SLC1A2: variants seen among roughly 807,000 people sequenced by gnomAD.
The protein encoded by SLC1A2 is solute carrier family 1 member 2, also known as excitatory amino acid transporter 2.
In SLC1A2, 15 loss-of-function variants were observed where a neutral mutation model predicts 48.8. The ratio of observed to expected loss-of-function variants is 0.31; its 90% CI spans 0.21 to 0.47. The LOEUF (loss-of-function observed/expected upper bound fraction) is 0.47. Ranked by LOEUF, SLC1A2 falls within the 20% of genes least tolerant of loss-of-function variation. The probability of loss-of-function intolerance (pLI) is 0.99; values close to 1 mark genes in which losing one functional copy is unlikely to be tolerated. For synonymous variants in SLC1A2, 279 were observed against 272.6 expected (o/e 1.02, Z -0.23); for missense variants, 502 against 730.5 (o/e 0.69, Z 3.61).
At chr11:35,401,005 G>A in intron 1 of SLC1A2, among the ~76,000 whole-genome samples, 1 of 152,146 alleles carries the variant, frequency 6.6e-6, no homozygotes, top group East Asian at 1.9e-4. Context: ...AAGGAGGTGG[G>A]TGGGCGGGGC....
Position 35,280,847 on chromosome 11 carries a change from C to A in SLC1A2, c.1421+20G>T, listed in dbSNP as rs1291591234. 5 of 1,568,618 alleles carry A rather than the reference C, an allele frequency of 3.2e-6. No homozygotes were observed. Among genetic ancestry groups the A allele is most frequent in the Middle Eastern group, 1.8e-4 (1 of 5,694 alleles). On this transcript the variant is annotated intron_variant, in intron 9 of 10. Transcript: ENST00000278379. ...GGCAGTACTCACAGTCCCAGCAGAA[C>A]CCCATCCACAGACACTTACAGCAGC...
rs115582356 is a variant in SLC1A2 at position 35,349,149 on chromosome 11, A to G, written c.18-31633T>C. Among the ~76,000 whole-genome samples, 1,185 of 152,272 alleles carry G rather than the reference A, an allele frequency of 7.8e-3. 16 individuals carry two copies. The highest frequency in any genetic ancestry group is 0.027 in the African/African-American group (1,120 of 41,550). ...AGCAGCAATGAACAAGACTGGAGGC[A>G]GGGATGTAGATGGGGGCACTGCGGG... On this transcript the variant is annotated intron_variant, in intron 1 of 10. Coordinates refer to ENST00000278379, the MANE Select transcript of SLC1A2 (RefSeq NM_004171.4).
chr11:35,305,195 G>C (rs1397133383), intron 5 of SLC1A2, among the ~76,000 whole-genome samples: 1 of 152,168 alleles, frequency 6.6e-6, no homozygotes, highest in Non-Finnish European at 1.5e-5. Context: ...GGGCAGACTA[G>C]AGCCGCTCAC....
chr11:35,280,843 A>T (rs751730759), intron 9 of SLC1A2, 24 bp downstream of exon 9: 2 of 1,560,580 alleles, frequency 1.3e-6, no homozygotes, highest in Admixed American at 3.6e-5. Context: ...CAGTCCCAGC[A>T]GAACCCCATC....
At chr11:35,312,161 G>C in intron 4 of SLC1A2, 37 bp downstream of exon 4, 1 of 1,607,068 alleles carries the variant, frequency 6.2e-7, no homozygotes. Context: ...ATAACTTAGA[G>C]GACTGGAGAA....
In SLC1A2 at chr11:35,419,069, T is replaced by A; in HGVS notation, c.-103A>T. The A allele has an allele frequency of 9.4e-7, 1 of 1,067,442 alleles. No individual in the cohort carries two copies. The highest frequency in any genetic ancestry group is 1.4e-6 in the Non-Finnish European group (1 of 730,998). The allele number at this position is 1,067,442 out of a possible 1,614,324, so 66.1% of individuals were successfully genotyped here. A position where few individuals can be genotyped will look rare whatever the true frequency, so the allele number is the denominator to read the frequency against. ...GCGAAGTGCGGCCGGGAGCGGTATT[T>A]AAGAGGAGCCTCTGCCCGCCCTTCC... On this transcript the variant is annotated 5_prime_UTR_variant, in exon 1 of 11. Coordinates refer to ENST00000278379, the MANE Select transcript of SLC1A2 (RefSeq NM_004171.4). This position sits in a 1 kb window ranked among gnomAD's most constrained non-coding sequence, Gnocchi z 5.4.
At chr11:35,318,106 A>G (rs2134908673) in intron 1 of SLC1A2, among the ~76,000 whole-genome samples, 1 of 152,340 alleles carries the variant, frequency 6.6e-6, no homozygotes, top group Admixed American at 6.5e-5. Context: ...TTAAAAGGCC[A>G]CCTACATTAT....
chr11:35,276,452 A>T (rs957350), intron 9 of SLC1A2, among the ~76,000 whole-genome samples: 55,396 of 128,748 alleles, frequency 0.43, 10,300 homozygotes, highest in South Asian at 0.6. Flanking sequence ...CATCCTTTTT[A>T]AAAAAAAAAA....
In SLC1A2 at chr11:35,255,912, C is replaced by T. The variant is rs1239890542; in HGVS notation, c.*4982G>A. Reference sequence around the variant, plus strand: ...ATAGAGGCTTGAATTTAATTTCTCCCAAAGGAGATGAGAAAAATCTAAATT... The same window carrying T: ...ATAGAGGCTTGAATTTAATTTCTCCTAAAGGAGATGAGAAAAATCTAAATT... On this transcript the variant is annotated 3_prime_UTR_variant, in exon 11 of 11. Coordinates refer to ENST00000278379, the MANE Select transcript of SLC1A2 (RefSeq NM_004171.4). 1 of 152,064 alleles carries T rather than the reference C, an allele frequency of 6.6e-6. No individual in the cohort carries two copies. The highest frequency in any genetic ancestry group is 1.5e-5 in the Non-Finnish European group (1 of 68,014). The allele number at this position is 152,064 out of a possible 1,614,324, so 9.4% of individuals were successfully genotyped here.
intron 1 of SLC1A2, among the ~76,000 whole-genome samples, chr11:35,327,556 C>T (rs536086038): frequency 1.3e-5 from 2 of 152,308 alleles, no homozygotes; most frequent in East Asian, 1.9e-4. Context: ...AAAGAACTCT[C>T]ATACATTTCC....
Position 35,408,197 on chromosome 11 carries a change from G to C in SLC1A2, c.17+10753C>G, listed in dbSNP as rs551654463. Among the ~76,000 whole-genome samples, 4 of 152,258 alleles carry C rather than the reference G, an allele frequency of 2.6e-5. No homozygotes were observed. The South Asian group carries it at 8.3e-4, about 32-fold the overall frequency. On this transcript the variant is annotated intron_variant, in intron 1 of 10. Transcript: ENST00000278379. ...GTCCTTCTAAATATCCTTGGAATCT[G>C]GTAACCTATGCTCATTTCTATACCT...
intron 1 of SLC1A2, among the ~76,000 whole-genome samples, chr11:35,352,696 C>G (rs1590219073): frequency 8.1e-6 from 1 of 123,328 alleles, no homozygotes; most frequent in African/African-American, 3.2e-5. Flanking sequence ...GAGAGAGCTG[C>G]CCTTGTTTTG....
At chr11:35,371,988 C>A (rs1041525460) in intron 1 of SLC1A2, among the ~76,000 whole-genome samples, 1 of 152,206 alleles carries the variant, frequency 6.6e-6, no homozygotes, top group Non-Finnish European at 1.5e-5. Flanking sequence ...TACTCCTGGA[C>A]AATGCATGAA....
chr11:35,329,901 C>T (rs1852374947), intron 1 of SLC1A2, among the ~76,000 whole-genome samples: 1 of 152,182 alleles, frequency 6.6e-6, no homozygotes, highest in South Asian at 2.1e-4. Flanking sequence ...GTACTGGATG[C>T]TTTACATGCA....
chr11:35,302,907 G>C (rs1173871087), intron 5 of SLC1A2, among the ~76,000 whole-genome samples: 2 of 148,932 alleles, frequency 1.3e-5, no homozygotes, highest in African/African-American at 5.0e-5. Context: ...TGAGGTCTCA[G>C]TTCTTACTAC....
Position 35,293,852 on chromosome 11 carries a change from G to A in SLC1A2, c.858-1332C>T, listed in dbSNP as rs540178954. Reference sequence around the variant, plus strand: ...ATATGAATACTACATAAGACATGGAGCTCGTCTCACCACTTATTAGTTATT... The same window carrying A: ...ATATGAATACTACATAAGACATGGAACTCGTCTCACCACTTATTAGTTATT... On this transcript the variant is annotated intron_variant, in intron 6 of 10. Coordinates refer to ENST00000278379, the MANE Select transcript of SLC1A2 (RefSeq NM_004171.4). 1.3e-4 allele frequency among the ~76,000 whole-genome samples: 20 copies of A among 152,268 alleles called. No individual in the cohort carries two copies. In the East Asian group the frequency reaches 3.1e-3, roughly 23 times the overall value.
chr11:35,405,786 C>A (rs1249568789), intron 1 of SLC1A2, among the ~76,000 whole-genome samples: 1 of 152,144 alleles, frequency 6.6e-6, no homozygotes, highest in African/African-American at 2.4e-5. Flanking sequence ...CCCTATTAAC[C>A]CCTAGCAAAG....
At chr11:35,305,086 T>C (rs915676065) in intron 5 of SLC1A2, among the ~76,000 whole-genome samples, 2 of 152,194 alleles carry the variant, frequency 1.3e-5, no homozygotes, top group Non-Finnish European at 2.9e-5. Flanking sequence ...TCCCAGGTTT[T>C]GGCCAAATGC....
rs1441234777 is a variant in SLC1A2, at chr11:35,258,480, C to A, written c.*2414G>T. 1 of 152,594 alleles carries A rather than the reference C, an allele frequency of 6.6e-6. No homozygotes were observed. The highest frequency in any genetic ancestry group is 1.9e-4 in the East Asian group (1 of 5,204). 9.5% of individuals were successfully genotyped at this position (152,594 alleles called of 1,614,324 possible). A position where few individuals can be genotyped will look rare whatever the true frequency, so the allele number is the denominator to read the frequency against. On this transcript the variant is annotated 3_prime_UTR_variant, in exon 11 of 11. Transcript: ENST00000278379. ...AGAAACATGCCCATGTATATAGATC[C>A]CAAAGCTGGCCTTCCATAGCAAAAA...
Sources: allele counts gnomAD v4.1 joint callset (sites outside exome capture counted in the v4.1 genomes callset), GRCh38; gene constraint gnomAD v4.1.1; non-coding constraint Gnocchi (gnomAD v3.1); transcripts MANE v1.5; gene names NCBI Gene and HGNC (gene_info 2026-07-23, HGNC 2026-07-21).